RNF40: variants seen among roughly 807,000 people sequenced by gnomAD.
RNF40 encodes the protein E3 ubiquitin-protein ligase BRE1B.
In RNF40, 39 loss-of-function variants were observed where a neutral mutation model predicts 123.3. The ratio of observed to expected loss-of-function variants is 0.32; its 90% CI spans 0.24 to 0.41. The LOEUF (loss-of-function observed/expected upper bound fraction) is 0.41, where lower values mean the gene tolerates loss of function less well. Among genes scored for constraint, RNF40 ranks in the 10% least tolerant of loss-of-function variants. RNF40 has a pLI of 1.00. For synonymous variants in RNF40, 538 were observed against 526.0 expected (o/e 1.02, Z -0.31); for missense variants, 1,003 against 1,319.9 (o/e 0.76, Z 3.72).
Position 30,771,959 on chromosome 16 carries a change from C to A in RNF40, c.2713C>A (p.Leu905Ile). Residue 905 changes from leucine (L) to isoleucine (I), a missense_variant, in exon 18 of 20, where the codon CTC (leucine) becomes ATC (isoleucine). By Grantham distance (5) the Leu-to-Ile change is conservative. Transcript: ENST00000324685. ...RAAREKESFN[L>I]KRAQEDISRL... ...TGCTCGTGAGAAAGAGAGCTTCAACCTCAAGAGGGCTCAGGTGTGTGCAGG... is the reference window on the plus strand; with the variant it reads ...TGCTCGTGAGAAAGAGAGCTTCAACATCAAGAGGGCTCAGGTGTGTGCAGG... 6.3e-7 allele frequency: 1 copy of A among 1,595,330 alleles called. No individual in the cohort carries two copies. Among genetic ancestry groups the A allele is most frequent in the South Asian group, 1.1e-5 (1 of 88,564 alleles).
chr16:30,761,825 G>T (rs2053830502), upstream of RNF40: 9 of 1,358,026 alleles, frequency 6.6e-6, no homozygotes, highest in Admixed American at 1.2e-4. Flanking sequence ...CTCGGTCGGC[G>T]GCTACCAAGG....
At chr16:30,765,547 G>A (rs2054012617) in intron 8 of RNF40, 48 bp downstream of exon 8, 1 of 1,545,464 alleles carries the variant, frequency 6.5e-7, no homozygotes, top group Non-Finnish European at 8.9e-7. Context: ...CTTCTCTGTT[G>A]CACTCTTGAA....
chr16:30,769,006 C>T lies in RNF40; in HGVS notation c.2247+19C>T, dbSNP rs2054097147. 1 of 1,613,594 alleles carries T rather than the reference C, an allele frequency of 6.2e-7. No homozygotes were observed. Among genetic ancestry groups the T allele is most frequent in the Non-Finnish European group, 8.5e-7 (1 of 1,179,884 alleles). On this transcript the variant is annotated intron_variant, in intron 15 of 19. Transcript: ENST00000324685. ...CAAGCAGGTGCGGCCCATGTGGTGCCCTCGCGTCGGAGCGCAGGGAGTTCC... is the reference window on the plus strand; with the variant it reads ...CAAGCAGGTGCGGCCCATGTGGTGCTCTCGCGTCGGAGCGCAGGGAGTTCC...
At chr16:30,762,232 C>T (rs752045805), upstream of RNF40, 10 of 386,332 alleles carry the variant, frequency 2.6e-5, no homozygotes, top group African/African-American at 6.3e-5. Context: ...AAAGAAGTTT[C>T]CTCACATCCG....
chr16:30,774,755 C>G lies in RNF40; in HGVS notation c.*641C>G, dbSNP rs1449096651. 2.9e-6 allele frequency: 1 copy of G among 346,040 alleles called. No individual in the cohort carries two copies. Among genetic ancestry groups the G allele is most frequent in the African/African-American group, 2.2e-5 (1 of 46,490 alleles). The allele number at this position is 346,040 out of a possible 1,614,324, so 21.4% of individuals were successfully genotyped here. On this transcript the variant is annotated 3_prime_UTR_variant, in exon 20 of 20. Coordinates refer to ENST00000324685, the MANE Select transcript of RNF40 (RefSeq NM_014771.4). ...TGCTGCAGTCACCTTCCTCATCTTGCAGGTGCTGAACCAACATCATCAGTT... is the reference window on the plus strand; with the variant it reads ...TGCTGCAGTCACCTTCCTCATCTTGGAGGTGCTGAACCAACATCATCAGTT...
In RNF40 at chr16:30,768,754, T is replaced by A; in HGVS notation, c.2097+18T>A. The A allele has an allele frequency of 6.2e-7, 1 of 1,613,870 alleles. No individual in the cohort carries two copies. Among genetic ancestry groups the A allele is most frequent in the Non-Finnish European group, 8.5e-7 (1 of 1,179,996 alleles). Reference sequence around the variant, plus strand: ...AGGCCGAGGTGAGGGCAGCTGGGGCTTGTGGGGCATTCAGAAAGGCAGAGC... The same window carrying A: ...AGGCCGAGGTGAGGGCAGCTGGGGCATGTGGGGCATTCAGAAAGGCAGAGC... On this transcript the variant is annotated intron_variant, in intron 14 of 19. Coordinates refer to ENST00000324685, the MANE Select transcript of RNF40 (RefSeq NM_014771.4). The surrounding 1 kb of genome is among the most constrained non-coding windows in gnomAD (Gnocchi z 4.1).
rs924107246 is a variant in RNF40, at chr16:30,774,934, G to A, written c.*820G>A. On this transcript the variant is annotated 3_prime_UTR_variant, in exon 20 of 20. Transcript: ENST00000324685. Reference sequence around the variant, plus strand: ...CAGTGGAGGTGGAACTTCCCAGGAGGGGAAGGGACAGACCAGCCCCAGCCG... The same window carrying A: ...CAGTGGAGGTGGAACTTCCCAGGAGAGGAAGGGACAGACCAGCCCCAGCCG... The A allele has an allele frequency of 2.2e-6, 1 of 456,336 alleles. No individual in the cohort carries two copies. Among genetic ancestry groups the A allele is most frequent in the African/African-American group, 2.0e-5 (1 of 50,076 alleles). The allele number at this position is 456,336 out of a possible 1,614,324, so 28.3% of individuals were successfully genotyped here.
At position 30,771,932 on chromosome 16, in the gene RNF40, G is replaced by A. The variant is rs761659529; in HGVS notation, c.2686G>A (p.Ala896Thr). ...EIQPCLAESR[A>T]AREKESFNLK... Reference sequence around the variant, plus strand: ...CCAGCCCTGCCTGGCAGAGAGCCGGGCTGCTCGTGAGAAAGAGAGCTTCAA... The same window carrying A: ...CCAGCCCTGCCTGGCAGAGAGCCGGACTGCTCGTGAGAAAGAGAGCTTCAA... Residue 896 changes from alanine (A) to threonine (T), a missense_variant, in exon 18 of 20, where the codon GCT (alanine) becomes ACT (threonine). Ala to Thr is a moderately conservative substitution (Grantham distance 58). Transcript: ENST00000324685. The A allele has an allele frequency of 1.9e-6, 3 of 1,604,234 alleles. No individual in the cohort carries two copies. Among genetic ancestry groups the A allele is most frequent in the Admixed American group, 1.7e-5 (1 of 59,192 alleles).
upstream of RNF40, chr16:30,762,310 G>A (rs1015989520): frequency 1.4e-5 from 7 of 497,562 alleles, no homozygotes; most frequent in East Asian, 3.6e-5. Flanking sequence ...GTGACGCCCA[G>A]TGACGTCCGG....
At chr16:30,763,980 A>G (rs2053971584) in intron 4 of RNF40, among the ~76,000 whole-genome samples, 199 bp from the exon 5 acceptor site, 1 of 152,190 alleles carries the variant, frequency 6.6e-6, no homozygotes, top group Admixed American at 6.5e-5. Flanking sequence ...AGGATGTGAT[A>G]CGCAACTCTG....
rs1013246526 is a variant in RNF40, at chr16:30,762,380, G to T, written c.-72+20G>T. The T allele has an allele frequency of 1.4e-5, 10 of 696,490 alleles. No individual in the cohort carries two copies. Among genetic ancestry groups the T allele is most frequent in the African/African-American group, 1.1e-4 (6 of 52,976 alleles). 43.1% of individuals were successfully genotyped at this position (696,490 alleles called of 1,614,324 possible). A position where few individuals can be genotyped will look rare whatever the true frequency, so the allele number is the denominator to read the frequency against. On this transcript the variant is annotated intron_variant, in intron 1 of 19. Transcript: ENST00000324685. Reference sequence around the variant, plus strand: ...CTGCTGGTGAGGGCTCTGGCGCCGGGGGGGACGGGATCCAGCAGGTGTGTG... The same window carrying T: ...CTGCTGGTGAGGGCTCTGGCGCCGGTGGGGACGGGATCCAGCAGGTGTGTG...
At chr16:30,767,585 A>T (rs1467939989) in intron 11 of RNF40, 1 of 253,026 alleles carries the variant, frequency 4.0e-6, no homozygotes, top group Non-Finnish European at 7.7e-6. Context: ...TGGGAGGATC[A>T]CTTGAGGCCA....
rs1190030375 is a variant in RNF40 at position 30,763,566 on chromosome 16, C to T, written c.442+7C>T. ...GGGACATCAGAGCTGAGAGGTAGGA[C>T]CAGAGTGCTGGGATCTGGGGAGCTT... On this transcript the variant is annotated splice_region_variant and intron_variant, in intron 4 of 19. Transcript: ENST00000324685. 6.2e-7 allele frequency: 1 copy of T among 1,613,736 alleles called. No individual in the cohort carries two copies. Among genetic ancestry groups the T allele is most frequent in the Admixed American group, 1.7e-5 (1 of 59,986 alleles).
chr16:30,763,017 T>C (rs1379247970), intron 2 of RNF40, 101 bp from the exon 3 acceptor site: 6 of 1,289,482 alleles, frequency 4.7e-6, no homozygotes, highest in Non-Finnish European at 5.5e-6. Context: ...AATACCTCCA[T>C]CTCCCATGCA....
In RNF40 at chr16:30,762,616, G is replaced by A. The variant is rs779866853; in HGVS notation, c.71G>A (p.Arg24His). 2.5e-6 allele frequency: 4 copies of A among 1,611,560 alleles called. No individual in the cohort carries two copies. Among genetic ancestry groups the A allele is most frequent in the Non-Finnish European group, 3.4e-6 (4 of 1,179,728 alleles). ...GGGCCCCCGGAAAAGAAGCTGAGTC[G>A]TGAGGAGAAGACCACCACGACTCTT... is the stretch of plus-strand genomic sequence containing the variant. ...GSGPPEKKLS[R>H]EEKTTTTLIE... The change falls in exon 2 of 20, where the codon CGT (arginine) becomes CAT (histidine). Residue 24 changes from arginine (R) to histidine (H), a missense_variant. Transcript: ENST00000324685.
Position 30,763,840 on chromosome 16 carries a change from C to T in RNF40, c.442+281C>T, listed in dbSNP as rs560446912. On this transcript the variant is annotated intron_variant, in intron 4 of 19. Transcript: ENST00000324685. ...ACGCTTCCTAGAAATGAGTGTTGCA[C>T]TTGCTATAAGGGAGGAAATTATAAA... Among the ~76,000 whole-genome samples the T allele has an allele frequency of 8.5e-4, 130 of 152,286 alleles. 1 individual carries two copies. Among genetic ancestry groups the T allele is most frequent in the African/African-American group, 3.1e-3 (127 of 41,554 alleles).
chr16:30,766,567 C>A lies in RNF40; in HGVS notation c.1293+9C>A. 6.2e-7 allele frequency: 1 copy of A among 1,603,254 alleles called. No homozygotes were observed. The highest frequency in any genetic ancestry group is 8.5e-7 in the Non-Finnish European group (1 of 1,173,572). ...ACATCGAGCACATGGAGGTATGGCC[C>A]TGGAACAGGCGTTAGGGCTGGGCTA... On this transcript the variant is annotated intron_variant, in intron 10 of 19. Transcript: ENST00000324685. This position sits in a 1 kb window ranked among gnomAD's most constrained non-coding sequence, Gnocchi z 5.4.
At position 30,775,385 on chromosome 16, in the gene RNF40, C is replaced by A; in HGVS notation, c.*1271C>A. On this transcript the variant is annotated 3_prime_UTR_variant, in exon 20 of 20. Transcript: ENST00000324685. ...CTGTCCTGCTCCCACCGACCCCGGT[C>A]TGACCACGTCCTTGGCTGTCATGGC... The A allele has an allele frequency of 4.5e-6, 1 of 223,194 alleles. No homozygotes were observed. The highest frequency in any genetic ancestry group is 5.6e-5 in the South Asian group (1 of 17,916). The allele number at this position is 223,194 out of a possible 1,614,324, so 13.8% of individuals were successfully genotyped here. A position where few individuals can be genotyped will look rare whatever the true frequency, so the allele number is the denominator to read the frequency against.
chr16:30,766,072 G>T lies in RNF40; in HGVS notation c.994-91G>T, dbSNP rs1420516344. On this transcript the variant is annotated intron_variant, in intron 8 of 19. Transcript: ENST00000324685. This position sits in a 1 kb window ranked among gnomAD's most constrained non-coding sequence, Gnocchi z 5.4. ...AGAATCGATCATTGCCCTGCACGGG[G>T]TGCTTGGGGTGGAGTGTATGCTGGG... The T allele has an allele frequency of 6.4e-7, 1 of 1,572,636 alleles. No homozygotes were observed. The highest frequency in any genetic ancestry group is 1.1e-5 in the South Asian group (1 of 88,482).
Sources: allele counts gnomAD v4.1 joint callset (sites outside exome capture counted in the v4.1 genomes callset), GRCh38; gene constraint gnomAD v4.1.1; non-coding constraint Gnocchi (gnomAD v3.1); transcripts MANE v1.5; gene names NCBI Gene and HGNC (gene_info 2026-07-23, HGNC 2026-07-21).